Variants in ACY3 observed in about 807,000 individuals in gnomAD.
ACY3 encodes aminoacylase 3.
ACY3 carries 20 observed loss-of-function variants against 24.6 expected under a neutral mutation model. The ratio of observed to expected loss-of-function variants is 0.81; its 90% CI spans 0.57 to 1.18. The LOEUF is 1.18. ACY3 is among the 50% of genes most tolerant of loss of function. ACY3 has a pLI of 0.00. For synonymous variants in ACY3, 174 were observed against 188.4 expected (o/e 0.92, Z 0.62); for missense variants, 423 against 426.8 (o/e 0.99, Z 0.08).
intron 2 of ACY3, 42 bp from the exon 3 acceptor site, chr11:67,647,105 G>A (rs1176929355): frequency 1.5e-6 from 2 of 1,374,120 alleles, no homozygotes; most frequent in East Asian, 2.5e-5. Context: ...CCCGATGCAA[G>A]GGATCTGGGC....
chr11:67,644,934 G>C (rs1202522159), intron 6 of ACY3, 65 bp from the exon 7 acceptor site: 6 of 1,588,988 alleles, frequency 3.8e-6, no homozygotes, highest in Non-Finnish European at 3.5e-6. Flanking sequence ...ACTGGGCCGT[G>C]GGGGTACGTC....
intron 7 of ACY3, 69 bp downstream of exon 7, chr11:67,644,691 A>G: frequency 7.0e-7 from 1 of 1,438,036 alleles, no homozygotes; most frequent in Non-Finnish European, 9.4e-7. Context: ...TTCCTTGACA[A>G]TCCTCCTCCC....
At chr11:67,643,617 G>A (rs1209381480) in intron 7 of ACY3, among the ~76,000 whole-genome samples, 1 of 151,322 alleles carries the variant, frequency 6.6e-6, no homozygotes, top group Non-Finnish European at 1.5e-5. Context: ...GGCGGAGGTT[G>A]CAGTAAGCCA....
intron 4 of ACY3, 71 bp from the exon 5 acceptor site, chr11:67,645,451 C>T: frequency 2.0e-6 from 3 of 1,511,470 alleles, no homozygotes; most frequent in Non-Finnish European, 1.8e-6. Flanking sequence ...GAAGGTGTTG[C>T]ATGGAGGAAA....
chr11:67,645,553 C>T, intron 4 of ACY3, 139 bp downstream of exon 4: 1 of 1,261,240 alleles, frequency 7.9e-7, no homozygotes. Flanking sequence ...TGGCGAGTGG[C>T]AGACCCCAGG....
intron 1 of ACY3, among the ~76,000 whole-genome samples, chr11:67,650,333 T>G (rs1161364887): frequency 1.3e-5 from 2 of 152,146 alleles, no homozygotes; most frequent in Non-Finnish European, 2.9e-5. Context: ...TTATAAAACC[T>G]GCCCCAGCCC....
At chr11:67,649,674 AT>A (rs1855583904) in intron 1 of ACY3, among the ~76,000 whole-genome samples, 1 of 134,798 alleles carries the variant, frequency 7.4e-6, no homozygotes, top group African/African-American at 3.2e-5. Context: ...GTGCATGTGC[AT>A]GAGTATTGTG....
chr11:67,643,051 AC>A, intron 7 of ACY3, 112 bp from the exon 8 acceptor site: 1 of 908,796 alleles, frequency 1.1e-6, no homozygotes, highest in South Asian at 1.5e-5. Context: ...GGCTTTTCCC[AC>A]CCATGCTTCA....
intron 7 of ACY3, among the ~76,000 whole-genome samples, 199 bp downstream of exon 7, chr11:67,644,561 C>T (rs1295832180): frequency 6.6e-6 from 1 of 152,142 alleles, no homozygotes; most frequent in Non-Finnish European, 1.5e-5. Flanking sequence ...TGTGGGGTTC[C>T]AGGGAAGGCA....
chr11:67,646,259 G>A (rs1855515087), intron 3 of ACY3, among the ~76,000 whole-genome samples: 1 of 152,188 alleles, frequency 6.6e-6, no homozygotes, highest in Non-Finnish European at 1.5e-5. Context: ...GTCAGCCTTT[G>A]GGGCTTGGCT....
chr11:67,643,005 C>A, intron 7 of ACY3, 66 bp from the exon 8 acceptor site: 2 of 1,468,170 alleles, frequency 1.4e-6, no homozygotes. Flanking sequence ...AGGGGGGTGA[C>A]CCCAGCTTGA....
Position 67,642,736 on chromosome 11 carries a change from G to C in ACY3, c.948C>G (p.Ser316Arg). 1 of 1,614,104 alleles carries C rather than the reference G, an allele frequency of 6.2e-7. No homozygotes were observed. The highest frequency in any genetic ancestry group is 8.5e-7 in the Non-Finnish European group (1 of 1,180,020). ...PAMPALTPAPSPAS is the reference protein window; with the variant it reads ...PAMPALTPAPRPAS Reference sequence around the variant, plus strand: ...GGTGTGTCTTGGGTTAGGAAGCTGGGCTCGGGGCAGGGGTCAGCGCGGGCA... The same window carrying C: ...GGTGTGTCTTGGGTTAGGAAGCTGGCCTCGGGGCAGGGGTCAGCGCGGGCA... The change falls in exon 8 of 8, where the codon AGC (serine) becomes AGG (arginine). Residue 316 changes from serine to arginine, a missense_variant. Transcript: ENST00000255082.
chr11:67,645,968 C>G (rs930205681), intron 3 of ACY3, 81 bp from the exon 4 acceptor site: 7 of 1,370,262 alleles, frequency 5.1e-6, no homozygotes, highest in Non-Finnish European at 6.0e-6. Flanking sequence ...GGGCAGGGGC[C>G]CTGCAGGAGC....
intron 3 of ACY3, 40 bp downstream of exon 3, chr11:67,646,768 G>A (rs1565238935): frequency 1.3e-6 from 2 of 1,588,354 alleles, no homozygotes; most frequent in Non-Finnish European, 1.7e-6. Context: ...GGGACTCGGT[G>A]CCCAACTGCC....
In ACY3 at chr11:67,644,903, T is replaced by C. The variant is rs1413014880; in HGVS notation, c.635-34A>G. On this transcript the variant is annotated intron_variant, in intron 6 of 7. Coordinates refer to ENST00000255082, the MANE Select transcript of ACY3 (RefSeq NM_080658.2). ...GAGGCTGGGTGTGTGAGCCCATCCC[T>C]CCCTCCAGGCTAGGGGACAGACTGG... is the stretch of plus-strand genomic sequence containing the variant. 1.9e-6 allele frequency: 3 copies of C among 1,604,584 alleles called. No individual in the cohort carries two copies. The African/African-American group carries it at 4.0e-5, about 21-fold the overall frequency.
chr11:67,647,767 G>A (rs574047086), intron 1 of ACY3, among the ~76,000 whole-genome samples, 178 bp from the exon 2 acceptor site: 70 of 152,296 alleles, frequency 4.6e-4, no homozygotes, highest in African/African-American at 1.6e-3. Context: ...CAGGTCCTGC[G>A]GGCAAGTTCC....
chr11:67,642,983 C>A (rs187434412), intron 7 of ACY3, 44 bp from the exon 8 acceptor site: 2 of 1,571,728 alleles, frequency 1.3e-6, no homozygotes, highest in Non-Finnish European at 1.7e-6. Context: ...GCCACCTCTG[C>A]CCTGGCCCCA....
At chr11:67,649,970 C>G (rs1001117418) in intron 1 of ACY3, among the ~76,000 whole-genome samples, 1 of 152,218 alleles carries the variant, frequency 6.6e-6, no homozygotes, top group African/African-American at 2.4e-5. Flanking sequence ...TGACCTGGCT[C>G]TGGCCCCACC....
intron 4 of ACY3, 74 bp downstream of exon 4, chr11:67,645,618 T>C: frequency 1.3e-6 from 2 of 1,504,136 alleles, no homozygotes; most frequent in Admixed American, 4.1e-5. Flanking sequence ...CAAAGGAGGT[T>C]CCAGCATTGT....
Sources: gnomAD v4.1 joint callset for allele counts (sites outside exome capture counted in the v4.1 genomes callset) on GRCh38, gnomAD v4.1.1 for gene constraint, MANE v1.5 for transcripts, NCBI Gene and HGNC (gene_info 2026-07-23, HGNC 2026-07-21) for gene names.